ZRSR2: variants seen among roughly 807,000 people sequenced by gnomAD.
The protein encoded by ZRSR2 is zinc finger CCCH-type, RNA binding motif and serine/arginine rich 2, also known as U2 small nuclear ribonucleoprotein auxiliary factor 35 kDa subunit-related protein 2.
A neutral mutation model predicts 39.4 loss-of-function variants in ZRSR2; 3 were observed. The ratio of observed to expected loss-of-function variants is 0.08; its 90% CI spans 0.03 to 0.20. The LOEUF (loss-of-function observed/expected upper bound fraction) is 0.20, where lower values mean the gene tolerates loss of function less well. Among genes scored for constraint, ZRSR2 ranks in the 10% least tolerant of loss-of-function variants. The pLI is 1.00. For synonymous variants in ZRSR2, 137 were observed against 136.0 expected (o/e 1.01, Z -0.05); for missense variants, 256 against 391.5 (o/e 0.65, Z 2.92).
At chrX:15,791,091 C>T in intron 2 of ZRSR2, 78 bp downstream of exon 2, 1 of 913,553 alleles carries the variant, frequency 1.1e-6, no homozygotes, top group South Asian at 2.1e-5. Flanking sequence ...GCCCCAGTGT[C>T]AGAAGGAAGT....
At chrX:15,801,872 G>A (rs375561754) in intron 3 of ZRSR2, 36 of 112,324 alleles carry the variant, frequency 3.2e-4, no homozygotes, top group Middle Eastern at 4.6e-3. Flanking sequence ...AGAAAATTAT[G>A]TAAAAATACT....
At chrX:15,795,957 C>T (rs1932440006) in intron 2 of ZRSR2, among the ~76,000 whole-genome samples, 1 of 111,775 alleles carries the variant, frequency 8.9e-6, no homozygotes, top group African/African-American at 3.2e-5. Context: ...CCTGTCTCTG[C>T]TAAAAATACA....
chrX:15,813,168 T>C (rs1436733256), intron 7 of ZRSR2, among the ~76,000 whole-genome samples: 1 of 112,101 alleles, frequency 8.9e-6, no homozygotes, highest in African/African-American at 3.2e-5. Context: ...GGCATTTGGA[T>C]ACCCACACCA....
chrX:15,798,307 G>A lies in ZRSR2; in HGVS notation c.122-1565G>A, dbSNP rs750575012. Among the ~76,000 whole-genome samples, 6 of 111,051 alleles carry A rather than the reference G, an allele frequency of 5.4e-5. No homozygotes were observed. In the South Asian group the frequency reaches 2.2e-3, roughly 41 times the overall value. Reference sequence around the variant, plus strand: ...TGATTTTTTTCCCAAATTTTGAATGGGAGAGGATGTAAATGTCTATTCTAT... The same window carrying A: ...TGATTTTTTTCCCAAATTTTGAATGAGAGAGGATGTAAATGTCTATTCTAT... On this transcript the variant is annotated intron_variant, in intron 2 of 10. Transcript: ENST00000307771.
At chrX:15,810,762 A>G (rs1218503143) in intron 7 of ZRSR2, among the ~76,000 whole-genome samples, 1 of 108,273 alleles carries the variant, frequency 9.2e-6, no homozygotes, top group African/African-American at 3.4e-5. Context: ...CACACCTATA[A>G]TCCCAGCACT....
At chrX:15,807,901 G>A (rs953698282) in intron 5 of ZRSR2, among the ~76,000 whole-genome samples, 11 of 109,460 alleles carry the variant, frequency 1.0e-4, no homozygotes, top group Non-Finnish European at 2.1e-4. Flanking sequence ...TTATCCAGGC[G>A]TGGTGGTGTG....
intron 8 of ZRSR2, 109 bp downstream of exon 8, chrX:15,815,999 A>G: frequency 3.6e-6 from 2 of 557,811 alleles, no homozygotes; most frequent in Middle Eastern, 3.5e-4. Context: ...CTAGCACTCT[A>G]TAAATGTGAC....
chrX:15,808,536 G>C (rs1034806327), intron 6 of ZRSR2, among the ~76,000 whole-genome samples: 1 of 111,232 alleles, frequency 9.0e-6, no homozygotes, highest in South Asian at 3.8e-4. Flanking sequence ...GCCTCCAGTG[G>C]ACGGTTTACC....
chrX:15,821,998 CTT>C (rs1003168389), intron 10 of ZRSR2, among the ~76,000 whole-genome samples: 4 of 105,812 alleles, frequency 3.8e-5, no homozygotes, highest in African/African-American at 1.4e-4. Context: ...TAGGCCTTCT[CTT>C]TTTTTTTTGA....
intron 3 of ZRSR2, 24 bp from the exon 4 acceptor site, chrX:15,803,664 C>T: frequency 8.5e-7 from 1 of 1,179,522 alleles, no homozygotes; most frequent in Non-Finnish European, 1.1e-6. Flanking sequence ...TTTCTTTTAT[C>T]TGATTACATC....
chrX:15,790,840 A>G, intron 1 of ZRSR2, 94 bp from the exon 2 acceptor site: 1 of 884,452 alleles, frequency 1.1e-6, no homozygotes, highest in Non-Finnish European at 1.6e-6. Flanking sequence ...TCAGCACCCG[A>G]ACTATTTCCT....
intron 3 of ZRSR2, 53 bp from the exon 4 acceptor site, chrX:15,803,635 A>G (rs950228566): frequency 1.5e-4 from 176 of 1,150,015 alleles, no homozygotes; most frequent in Non-Finnish European, 1.5e-4. Flanking sequence ...GTGTGTGTGT[A>G]TTTGTGGATT....
chrX:15,814,402 G>C (rs1932930828), intron 7 of ZRSR2, among the ~76,000 whole-genome samples: 2 of 111,705 alleles, frequency 1.8e-5, no homozygotes, highest in African/African-American at 6.5e-5. Flanking sequence ...GCTGAGGCAG[G>C]AGGATCACTT....
chrX:15,790,918 TG>T lies in ZRSR2; in HGVS notation c.42-15del, dbSNP rs778081507. 5.0e-6 allele frequency: 6 copies of T among 1,204,402 alleles called. No individual in the cohort carries two copies. The highest frequency in any genetic ancestry group is 6.7e-6 in the Non-Finnish European group (6 of 888,963). ...TTGTAGCCGCTGATCGTCGTGTATATGTCTTAATCTTCCAGCCACAAAAAGT... is the reference window on the plus strand; with the variant it reads ...TTGTAGCCGCTGATCGTCGTGTATATTCTTAATCTTCCAGCCACAAAAAGT... On this transcript the variant is annotated splice_polypyrimidine_tract_variant and intron_variant, in intron 1 of 10. Transcript: ENST00000307771.
At chrX:15,793,572 T>A (rs1244637840) in intron 2 of ZRSR2, among the ~76,000 whole-genome samples, 1 of 111,601 alleles carries the variant, frequency 9.0e-6, no homozygotes, top group East Asian at 2.8e-4. Flanking sequence ...AGAGTCTCAC[T>A]CTCTCGCCCA....
At chrX:15,808,576 G>T (rs1394257057) in intron 6 of ZRSR2, among the ~76,000 whole-genome samples, 1 of 109,391 alleles carries the variant, frequency 9.1e-6, no homozygotes, top group Admixed American at 9.8e-5. Flanking sequence ...ATTTCTGTCT[G>T]TGGTGGTTCC....
intron 2 of ZRSR2, among the ~76,000 whole-genome samples, chrX:15,794,263 C>A (rs1261717695): frequency 9.0e-6 from 1 of 110,920 alleles, no homozygotes; most frequent in Non-Finnish European, 1.9e-5. Context: ...GGGTGCTCAA[C>A]CTGTATAATA....
chrX:15,803,856 T>G, intron 4 of ZRSR2, 60 bp downstream of exon 4: 1 of 1,156,348 alleles, frequency 8.6e-7, no homozygotes, highest in South Asian at 1.9e-5. Context: ...ATAACTCTCA[T>G]GAAGAGTTGC....
intron 2 of ZRSR2, among the ~76,000 whole-genome samples, chrX:15,798,103 A>C (rs1932542087): frequency 8.9e-6 from 1 of 112,679 alleles, no homozygotes; most frequent in Admixed American, 9.5e-5. Flanking sequence ...CCAGCTGCTG[A>C]AATAATAAAG....
Sources: gnomAD v4.1 joint callset for allele counts (sites outside exome capture counted in the v4.1 genomes callset) on GRCh38, gnomAD v4.1.1 for gene constraint, MANE v1.5 for transcripts, NCBI Gene and HGNC (gene_info 2026-07-23, HGNC 2026-07-21) for gene names.